Variants in INSR observed in about 807,000 individuals in gnomAD.
INSR encodes the protein insulin receptor.
INSR carries 67 observed loss-of-function variants against 142.6 expected under a neutral mutation model. The observed-to-expected ratio is 0.47, with a 90% CI of 0.39 to 0.58. The LOEUF (loss-of-function observed/expected upper bound fraction) is 0.58, where lower values mean the gene tolerates loss of function less well. Ranked by LOEUF, INSR falls within the 20% of genes least tolerant of loss-of-function variation. INSR has a pLI of 0.00. For synonymous variants in INSR, 756 were observed against 743.1 expected (o/e 1.02, Z -0.28); for missense variants, 1,248 against 1,833.2 (o/e 0.68, Z 5.83).
At position 7,117,077 on chromosome 19, in the gene INSR, C is replaced by T. The variant is rs778684798; in HGVS notation, c.4128G>A (p.Leu1376=). The change falls in exon 22 of 22, where the codon TTG becomes TTA. Residue 1376 remains leucine (L), a synonymous_variant. Coordinates refer to ENST00000302850, the MANE Select transcript of INSR (RefSeq NM_000208.4). ...GGKKNGRILT[L]PRSNPS is the part of the protein sequence containing the mutation. Reference sequence around the variant, plus strand: ...ACTGTTAGGAAGGATTGGACCGAGGCAAGGTCAGAATCCGCCCGTTTTTCT... The same window carrying T: ...ACTGTTAGGAAGGATTGGACCGAGGTAAGGTCAGAATCCGCCCGTTTTTCT... 3.7e-6 allele frequency: 6 copies of T among 1,614,142 alleles called. No individual in the cohort carries two copies. Among genetic ancestry groups the T allele is most frequent in the Non-Finnish European group, 5.1e-6 (6 of 1,180,010 alleles).
chr19:7,153,504 T>A (rs1973506649), intron 9 of INSR, among the ~76,000 whole-genome samples: 1 of 111,780 alleles, frequency 8.9e-6, no homozygotes, highest in Non-Finnish European at 1.8e-5. Context: ...ACACACACAG[T>A]GAAGGGGGCC....
chr19:7,124,711 T>G (rs1375033038), intron 17 of INSR, among the ~76,000 whole-genome samples: 1 of 144,458 alleles, frequency 6.9e-6, no homozygotes, highest in Non-Finnish European at 1.5e-5. Flanking sequence ...GGGGCAGGTA[T>G]CCACTGTATC....
At chr19:7,131,502 C>T (rs949533631) in intron 14 of INSR, among the ~76,000 whole-genome samples, 8 of 150,832 alleles carry the variant, frequency 5.3e-5, no homozygotes, top group Non-Finnish European at 8.9e-5. Context: ...CGCCACCATG[C>T]CTGGCTAATT....
chr19:7,229,710 G>C (rs1216927726), intron 2 of INSR, among the ~76,000 whole-genome samples: 1 of 149,882 alleles, frequency 6.7e-6, no homozygotes, highest in Non-Finnish European at 1.5e-5. Context: ...AAGCAAGGAT[G>C]CTTTTGAAAA....
intron 2 of INSR, among the ~76,000 whole-genome samples, chr19:7,221,906 A>T (rs1975632364): frequency 6.6e-6 from 1 of 151,942 alleles, no homozygotes; most frequent in African/African-American, 2.4e-5. Flanking sequence ...GATCAAGTAC[A>T]ATTATACAGC....
intron 9 of INSR, among the ~76,000 whole-genome samples, chr19:7,160,891 G>C (rs1973730689): frequency 6.6e-6 from 1 of 151,090 alleles, no homozygotes; most frequent in South Asian, 2.1e-4. Context: ...AGCTATTCAG[G>C]AGGCTAAGGC....
At chr19:7,273,980 A>G (rs10411676) in intron 1 of INSR, among the ~76,000 whole-genome samples, 59,837 of 151,640 alleles carry the variant, frequency 0.39, 12,064 homozygotes, top group Non-Finnish European at 0.43. Context: ...GTAACAAAGC[A>G]AGACTCCATC....
At chr19:7,120,500 G>A in intron 20 of INSR, 120 bp downstream of exon 20, 1 of 1,196,284 alleles carries the variant, frequency 8.4e-7, no homozygotes, top group Non-Finnish European at 1.2e-6. Context: ...ACAGGACGCT[G>A]CCTTCCTTTC....
chr19:7,129,734 T>C (rs868033681), intron 14 of INSR, among the ~76,000 whole-genome samples: 2 of 152,286 alleles, frequency 1.3e-5, no homozygotes, highest in Middle Eastern at 3.4e-3. Flanking sequence ...AGATGTAAAC[T>C]TCTTTTAATT....
At chr19:7,210,840 C>T (rs527561640) in intron 2 of INSR, among the ~76,000 whole-genome samples, 3 of 152,166 alleles carry the variant, frequency 2.0e-5, no homozygotes, top group Admixed American at 1.3e-4. Context: ...AGCAATTCTC[C>T]TGCCTCTGCC....
At chr19:7,204,341 C>T (rs771180107) in intron 2 of INSR, among the ~76,000 whole-genome samples, 60 of 152,120 alleles carry the variant, frequency 3.9e-4, no homozygotes, top group Non-Finnish European at 8.2e-4. Context: ...AGACGTGAGC[C>T]ACCATGCCCA....
At chr19:7,266,383 CTTTTTT>C (rs746892721) in intron 2 of INSR, among the ~76,000 whole-genome samples, 2 of 123,276 alleles carry the variant, frequency 1.6e-5, no homozygotes, top group Non-Finnish European at 3.4e-5. Flanking sequence ...TAGAAATTAT[CTTTTTT>C]TTTTTTTTTT....
chr19:7,211,103 A>G (rs1975260930), intron 2 of INSR, among the ~76,000 whole-genome samples: 1 of 151,602 alleles, frequency 6.6e-6, no homozygotes, highest in Non-Finnish European at 1.5e-5. Context: ...GATCTCGCTC[A>G]GCTGCATGGG....
chr19:7,153,197 C>CTATA (rs1568449551), intron 9 of INSR, among the ~76,000 whole-genome samples: 1 of 50,516 alleles, frequency 2.0e-5, no homozygotes, highest in Non-Finnish European at 6.5e-5. Flanking sequence ...CACACACACA[C>CTATA]CACACACACC....
In INSR at chr19:7,122,734, T is replaced by A. The variant is rs760837943; in HGVS notation, c.3409A>T (p.Ile1137Phe). ...GRPPPTLQEM[I>F]QMAAEIADGM... ...TCAGCAATCTCTGCCGCCATCTGAATCATCTCTTGAAGGGTAGGGGGAGGG... is the reference window on the plus strand; with the variant it reads ...TCAGCAATCTCTGCCGCCATCTGAAACATCTCTTGAAGGGTAGGGGGAGGG... Residue 1137 changes from isoleucine (I) to phenylalanine (F), a missense_variant, in exon 19 of 22, where the codon ATT becomes TTT. Ile to Phe is a conservative substitution (Grantham distance 21). Coordinates refer to ENST00000302850, the MANE Select transcript of INSR (RefSeq NM_000208.4). 15 of 1,614,160 alleles carry A rather than the reference T, an allele frequency of 9.3e-6. 1 individual carries two copies. In the South Asian group the frequency reaches 1.4e-4, roughly 15 times the overall value.
chr19:7,219,455 A>G (rs1490406193), intron 2 of INSR, among the ~76,000 whole-genome samples: 1 of 69,172 alleles, frequency 1.4e-5, no homozygotes, highest in Non-Finnish European at 3.3e-5. Flanking sequence ...GAGAGAAAGA[A>G]GAGAGAGAGA....
chr19:7,274,589 A>G (rs899563900), intron 1 of INSR, among the ~76,000 whole-genome samples: 2 of 151,946 alleles, frequency 1.3e-5, no homozygotes, highest in Non-Finnish European at 2.9e-5. Flanking sequence ...TCACGAGGTC[A>G]GGAGATCAAG....
chr19:7,122,073 G>A (rs1972504453), intron 19 of INSR, among the ~76,000 whole-genome samples: 1 of 151,800 alleles, frequency 6.6e-6, no homozygotes, highest in Non-Finnish European at 1.5e-5. Flanking sequence ...AACCCAAGAG[G>A]TGGAGGTTCA....
At chr19:7,224,808 G>T (rs1454451636) in intron 2 of INSR, among the ~76,000 whole-genome samples, 2 of 151,792 alleles carry the variant, frequency 1.3e-5, no homozygotes, top group Non-Finnish European at 2.9e-5. Context: ...ATAATCCAGG[G>T]CCCTTTTCAC....
Sources: gnomAD v4.1 joint callset for allele counts (sites outside exome capture counted in the v4.1 genomes callset) on GRCh38, gnomAD v4.1.1 for gene constraint, MANE v1.5 for transcripts, NCBI Gene and HGNC (gene_info 2026-07-23, HGNC 2026-07-21) for gene names.